The following TSPEAR variants were observed in gnomAD, a reference collection of about 807,000 sequenced individuals.
TSPEAR encodes thrombospondin type laminin G domain and EAR repeats.
A neutral mutation model predicts 71.6 loss-of-function variants in TSPEAR; 69 were observed. The ratio of observed to expected loss-of-function variants is 0.96; its 90% confidence interval spans 0.79 to 1.18. The LOEUF is 1.18. Among genes scored for constraint, TSPEAR ranks in the 50% most tolerant of loss-of-function variants. The probability of loss-of-function intolerance (pLI) is 0.00; values close to 1 mark genes in which losing one functional copy is unlikely to be tolerated. For missense variants in TSPEAR, 971 were observed against 894.9 expected (o/e 1.09, Z -1.09); for synonymous variants, 402 against 387.2 (o/e 1.04, Z -0.45).
chr21:44,550,427 G>A (rs2053389072), intron 2 of TSPEAR: 1 of 632,718 alleles, frequency 1.6e-6, no homozygotes, highest in Non-Finnish European at 2.8e-6. Flanking sequence ...CCCAGGTCAG[G>A]AGGGCCCATC....
intron 1 of TSPEAR, among the ~76,000 whole-genome samples, chr21:44,691,575 T>C (rs1987126148): frequency 6.6e-6 from 1 of 152,204 alleles, no homozygotes; most frequent in African/African-American, 2.4e-5. Context: ...TCCCCACATA[T>C]ATGAAGCAAA....
At chr21:44,518,340 C>T in intron 9 of TSPEAR, 1 of 461,128 alleles carries the variant, frequency 2.2e-6, no homozygotes, top group South Asian at 1.6e-5. Context: ...CAGGTACGCT[C>T]TGGGGCACTG....
intron 1 of TSPEAR, among the ~76,000 whole-genome samples, chr21:44,657,062 A>G (rs1162628907): frequency 2.0e-5 from 3 of 151,962 alleles, no homozygotes; most frequent in Non-Finnish European, 4.4e-5. Context: ...CCCTGGACAT[A>G]CCAGTTTCTG....
chr21:44,648,426 A>C (rs1984568872), intron 1 of TSPEAR, among the ~76,000 whole-genome samples: 1 of 152,224 alleles, frequency 6.6e-6, no homozygotes, highest in East Asian at 1.9e-4. Context: ...GTGGACTCAT[A>C]AATCTCTCAG....
intron 2 of TSPEAR, among the ~76,000 whole-genome samples, chr21:44,543,316 G>A (rs1163079500): frequency 6.6e-6 from 1 of 152,210 alleles, no homozygotes; most frequent in East Asian, 1.9e-4. Context: ...ATTCAGGAGG[G>A]GCTACATAGA....
rs587642373 is a variant in TSPEAR, at chr21:44,593,823, C to T, written c.83-25818G>A. On this transcript the variant is annotated intron_variant, in intron 1 of 11. Coordinates refer to ENST00000323084, the MANE Select transcript of TSPEAR (RefSeq NM_144991.3). The surrounding 1 kb of genome is among the most constrained non-coding windows in gnomAD (Gnocchi z 5.9). ...ACAGTGGCTAAACACGCACTGGCCC[C>T]GCGATGAGGATGAGCAAGGTTCAAA... Among the ~76,000 whole-genome samples the T allele has an allele frequency of 1.3e-5, 2 of 152,290 alleles. No homozygotes were observed. The highest frequency in any genetic ancestry group is 1.3e-4 in the Admixed American group (2 of 15,300).
chr21:44,499,532 G>C lies in TSPEAR; in HGVS notation c.*251C>G. 2.1e-6 allele frequency: 1 copy of C among 482,952 alleles called. No homozygotes were observed. Among genetic ancestry groups the C allele is most frequent in the Non-Finnish European group, 3.6e-6 (1 of 275,286 alleles). The allele number at this position is 482,952 out of a possible 1,614,324, so 29.9% of individuals were successfully genotyped here. A position where few individuals can be genotyped will look rare whatever the true frequency, so the allele number is the denominator to read the frequency against. ...CCCCGCTTGACACTCAGATGGGCGAGCACTGGCAGGGGCTCTGGGCCTCTG... is the reference window on the plus strand; with the variant it reads ...CCCCGCTTGACACTCAGATGGGCGACCACTGGCAGGGGCTCTGGGCCTCTG... On this transcript the variant is annotated 3_prime_UTR_variant, in exon 12 of 12. Coordinates refer to ENST00000323084, the MANE Select transcript of TSPEAR (RefSeq NM_144991.3).
rs587656346 is a variant in TSPEAR at position 44,622,700 on chromosome 21, T to C, written c.83-54695A>G. ...TGATAAAGACATTAGTCATTGGATT[T>C]AAGGTTCACTATAACCCGGTATGAC... On this transcript the variant is annotated intron_variant, in intron 1 of 11. Transcript: ENST00000323084. 1.8e-4 allele frequency among the ~76,000 whole-genome samples: 28 copies of C among 152,340 alleles called. No individual in the cohort carries two copies. The South Asian group carries it at 5.4e-3, about 29-fold the overall frequency.
intron 1 of TSPEAR, chr21:44,638,094 G>A (rs948259447): frequency 1.9e-6 from 3 of 1,613,550 alleles, no homozygotes; most frequent in East Asian, 2.2e-5. Flanking sequence ...ACGGCCTCCT[G>A]TGTTTCCCTC....
chr21:44,518,862 G>A lies in TSPEAR; in HGVS notation c.1566+3021C>T, dbSNP rs587714728. The A allele has an allele frequency of 2.2e-5, 8 of 361,932 alleles. No homozygotes were observed. In the East Asian group the frequency reaches 2.3e-4, roughly 10 times the overall value. The allele number at this position is 361,932 out of a possible 1,614,324, so 22.4% of individuals were successfully genotyped here. ...TGTGTGAGCCTGGGGCCAGCAGGGC[G>A]CACGTTCATGTCAGGGCACCAGTAT... On this transcript the variant is annotated intron_variant, in intron 9 of 11. Transcript: ENST00000323084.
chr21:44,511,275 TACAC>T (rs370441127), intron 9 of TSPEAR, among the ~76,000 whole-genome samples: 202 of 152,160 alleles, frequency 1.3e-3, no homozygotes, highest in Middle Eastern at 6.8e-3. Flanking sequence ...TATGCATACA[TACAC>T]AAACATGGAT....
At chr21:44,547,002 G>A (rs587691275) in intron 2 of TSPEAR, among the ~76,000 whole-genome samples, 4 of 152,280 alleles carry the variant, frequency 2.6e-5, no homozygotes, top group Non-Finnish European at 5.9e-5. Flanking sequence ...AGTTAAGTGT[G>A]TTGGTATGCT....
chr21:44,597,620 C>G (rs1471857819), intron 1 of TSPEAR, among the ~76,000 whole-genome samples: 1 of 151,918 alleles, frequency 6.6e-6, no homozygotes, highest in African/African-American at 2.4e-5. Flanking sequence ...TTAGTAGAGA[C>G]AGGGCTTTAC....
chr21:44,625,316 C>T (rs983716103), intron 1 of TSPEAR, among the ~76,000 whole-genome samples: 4 of 152,170 alleles, frequency 2.6e-5, no homozygotes, highest in East Asian at 1.9e-4. Context: ...TGATGGGCCA[C>T]GCACGGTGGC....
intron 1 of TSPEAR, among the ~76,000 whole-genome samples, chr21:44,707,064 A>G (rs1555952522): frequency 6.6e-6 from 1 of 152,250 alleles, no homozygotes; most frequent in African/African-American, 2.4e-5. Flanking sequence ...TTGTGGGATC[A>G]GTGAGGAATC....
chr21:44,568,069 G>A, intron 1 of TSPEAR, 64 bp from the exon 2 acceptor site: 1 of 1,320,664 alleles, frequency 7.6e-7, no homozygotes, highest in African/African-American at 1.5e-5. Flanking sequence ...ACCCATAACA[G>A]CCAACATGTA....
In TSPEAR at chr21:44,612,493, C is replaced by A; in HGVS notation, c.83-44488G>T. The stretch of plus-strand genomic sequence containing the variant: ...GCTGCAAGTCCAACTGCTGCAAGCC[C>A]GTGTGCTGCGTGTCCATCTGCTCTG... On this transcript the variant is annotated intron_variant, in intron 1 of 11. Transcript: ENST00000323084. The surrounding 1 kb of genome is among the most constrained non-coding windows in gnomAD (Gnocchi z 4.1). 6.2e-7 allele frequency: 1 copy of A among 1,609,460 alleles called. No homozygotes were observed. The highest frequency in any genetic ancestry group is 8.5e-7 in the Non-Finnish European group (1 of 1,176,968).
chr21:44,523,995 T>C (rs2052792538), intron 8 of TSPEAR, among the ~76,000 whole-genome samples: 1 of 151,510 alleles, frequency 6.6e-6, no homozygotes, highest in African/African-American at 2.4e-5. Context: ...ATCAGTCAGG[T>C]AGTCAGTCAG....
rs1366717077 is a variant in TSPEAR, at chr21:44,508,617, C to T, written c.1754+582G>A. The T allele has an allele frequency of 2.5e-6, 3 of 1,181,658 alleles. No homozygotes were observed. The African/African-American group carries it at 4.8e-5, about 19-fold the overall frequency. The allele number at this position is 1,181,658 out of a possible 1,614,324, so 73.2% of individuals were successfully genotyped here. A position where few individuals can be genotyped will look rare whatever the true frequency, so the allele number is the denominator to read the frequency against. On this transcript the variant is annotated intron_variant, in intron 10 of 11. Coordinates refer to ENST00000323084, the MANE Select transcript of TSPEAR (RefSeq NM_144991.3). Reference sequence around the variant, plus strand: ...AGTGCCCACTGTCCAAAATGTGGTGCCCACGCAACCTCCTGTGGCTCCACG... The same window carrying T: ...AGTGCCCACTGTCCAAAATGTGGTGTCCACGCAACCTCCTGTGGCTCCACG...
Sources: allele counts gnomAD v4.1 joint callset (sites outside exome capture counted in the v4.1 genomes callset), GRCh38; gene constraint gnomAD v4.1.1; non-coding constraint Gnocchi (gnomAD v3.1); transcripts MANE v1.5; gene names NCBI Gene and HGNC (gene_info 2026-07-23, HGNC 2026-07-21).